The following SDK2 variants were observed in gnomAD, a reference collection of about 807,000 sequenced individuals.
SDK2 encodes sidekick cell adhesion molecule 2.
Under a neutral mutation model 253.9 loss-of-function variants are expected in SDK2, and 105 were observed. The observed-to-expected ratio is 0.41, with a 90% CI of 0.35 to 0.49. The LOEUF (loss-of-function observed/expected upper bound fraction) is 0.49. SDK2 is among the 20% of genes least tolerant of loss of function. The pLI is 0.06. For synonymous variants in SDK2, 1,249 were observed against 1,234.9 expected (o/e 1.01, Z -0.24); for missense variants, 2,608 against 3,003.0 (o/e 0.87, Z 3.07).
Position 73,642,319 on chromosome 17 carries a change from C to T in SDK2, c.64+1706G>A, listed in dbSNP as rs1317148142. Among the ~76,000 whole-genome samples the T allele has an allele frequency of 6.6e-6, 1 of 152,200 alleles. No homozygotes were observed. Among genetic ancestry groups the T allele is most frequent in the African/African-American group, 2.4e-5 (1 of 41,450 alleles). ...AGCCACCTGCCCAGGGAAATCATAC[C>T]ATTGTTGAAAAGTCTGTAGAGCAAT... On this transcript the variant is annotated intron_variant, in intron 1 of 44. Coordinates refer to ENST00000392650, the MANE Select transcript of SDK2 (RefSeq NM_001144952.2). This position sits in a 1 kb window ranked among gnomAD's most constrained non-coding sequence, Gnocchi z 4.7.
chr17:73,604,536 C>T (rs972483516), intron 1 of SDK2, among the ~76,000 whole-genome samples: 1 of 152,244 alleles, frequency 6.6e-6, no homozygotes, highest in African/African-American at 2.4e-5. Flanking sequence ...TCCACTGCCA[C>T]CTCCTGTTCC....
Position 73,612,208 on chromosome 17 carries a change from C to T in SDK2, c.64+31817G>A, listed in dbSNP as rs2045983411. On this transcript the variant is annotated intron_variant, in intron 1 of 44. Coordinates refer to ENST00000392650, the MANE Select transcript of SDK2 (RefSeq NM_001144952.2). This position sits in a 1 kb window ranked among gnomAD's most constrained non-coding sequence, Gnocchi z 4.4. ...AAATGCAAGTACACCACAGTGGTGG[C>T]CCAGCTGCACCCGGGCTGCAGGCCG... Among the ~76,000 whole-genome samples, 1 of 152,202 alleles carries T rather than the reference C, an allele frequency of 6.6e-6. No homozygotes were observed. The highest frequency in any genetic ancestry group is 1.5e-5 in the Non-Finnish European group (1 of 68,034).
intron 25 of SDK2, 130 bp from the exon 26 acceptor site, chr17:73,394,454 C>T (rs1451748765): frequency 2.0e-6 from 1 of 494,986 alleles, no homozygotes; most frequent in Non-Finnish European, 3.5e-6. Flanking sequence ...AAACGTGGCA[C>T]ACATGGTCCC....
chr17:73,425,301 A>AGAAAGG (rs2063271983), intron 12 of SDK2, among the ~76,000 whole-genome samples: 1 of 152,248 alleles, frequency 6.6e-6, no homozygotes, highest in African/African-American at 2.4e-5. Flanking sequence ...AAATAAAAAA[A>AGAAAGG]GAAAGGAAAA....
At chr17:73,433,581 G>A (rs898606989) in intron 10 of SDK2, 151 bp downstream of exon 10, 46 of 590,714 alleles carry the variant, frequency 7.8e-5, no homozygotes, top group Non-Finnish European at 9.6e-5. Context: ...GAGCCACCGC[G>A]CCCGGCCGAG....
At chr17:73,452,221 T>C (rs1190918941) in intron 4 of SDK2, among the ~76,000 whole-genome samples, 1 of 152,184 alleles carries the variant, frequency 6.6e-6, no homozygotes. Context: ...TAATCTCTGC[T>C]CTTGCCCCAC....
chr17:73,617,639 CA>C (rs1345175047), intron 1 of SDK2, among the ~76,000 whole-genome samples: 2 of 152,132 alleles, frequency 1.3e-5, no homozygotes, highest in Non-Finnish European at 2.9e-5. Context: ...AGTGATTTAC[CA>C]ACCCCCTGCC....
intron 1 of SDK2, among the ~76,000 whole-genome samples, chr17:73,635,426 C>G (rs2046318285): frequency 6.6e-6 from 1 of 152,044 alleles, no homozygotes; most frequent in African/African-American, 2.4e-5. Flanking sequence ...TGGTGACAGC[C>G]CAATTGTTCA....
chr17:73,558,437 G>A (rs1599677535), intron 1 of SDK2, among the ~76,000 whole-genome samples: 1 of 150,054 alleles, frequency 6.7e-6, no homozygotes, highest in South Asian at 2.1e-4. Context: ...AGGGAGGAAG[G>A]GAGGGAGGGG....
At chr17:73,466,916 G>A (rs2063604171) in intron 3 of SDK2, among the ~76,000 whole-genome samples, 1 of 152,166 alleles carries the variant, frequency 6.6e-6, no homozygotes, top group African/African-American at 2.4e-5. Flanking sequence ...AAAGTCCCAA[G>A]CTAGTCAGTG....
chr17:73,379,239 G>A lies in SDK2; in HGVS notation c.4918C>T (p.Leu1640=), dbSNP rs1277590017. ...GGAGGTGGCTCCCAAGTCACGTCCAGCTGTGTGGCCGTGGCGCCGTGGACG... is the reference window on the plus strand; with the variant it reads ...GGAGGTGGCTCCCAAGTCACGTCCAACTGTGTGGCCGTGGCGCCGTGGACG... ...VVVHGATATQ[L]DVTWEPPPLD... is the part of the protein sequence containing the mutation. The change falls in exon 36 of 45, where the codon CTG becomes TTG. Residue 1640 remains leucine, a synonymous_variant. Transcript: ENST00000392650. The surrounding 1 kb of genome is among the most constrained non-coding windows in gnomAD (Gnocchi z 4.5). The A allele has an allele frequency of 6.4e-7, 1 of 1,558,410 alleles. No homozygotes were observed. Among genetic ancestry groups the A allele is most frequent in the Middle Eastern group, 1.7e-4 (1 of 6,008 alleles).
intron 1 of SDK2, among the ~76,000 whole-genome samples, chr17:73,588,197 ACC>A (rs57740393): frequency 0.17 from 22,405 of 130,888 alleles, 1,920 homozygotes; most frequent in South Asian, 0.21. Context: ...ACATGGAGAG[ACC>A]CCCCCCCCTC....
intron 24 of SDK2, among the ~76,000 whole-genome samples, chr17:73,396,574 C>T (rs937521063): frequency 1.3e-5 from 2 of 152,208 alleles, no homozygotes; most frequent in African/African-American, 4.8e-5. Context: ...AGATAGCAAT[C>T]GATGGTCCTG....
rs1424266874 is a variant in SDK2, at chr17:73,465,449, G to T, written c.331+6663C>A. 1.3e-5 allele frequency among the ~76,000 whole-genome samples: 2 copies of T among 152,104 alleles called. No individual in the cohort carries two copies. Among genetic ancestry groups the T allele is most frequent in the African/African-American group, 4.8e-5 (2 of 41,422 alleles). ...CCTCAGGACCTGGATGTGGTGAAAC[G>T]CTGGCTGTGGTGAAACGCTGGCTCG... On this transcript the variant is annotated intron_variant, in intron 3 of 44. Transcript: ENST00000392650. The surrounding 1 kb of genome is among the most constrained non-coding windows in gnomAD (Gnocchi z 4.2).
chr17:73,441,185 C>G lies in SDK2; in HGVS notation c.614-262G>C, dbSNP rs185122902. Among the ~76,000 whole-genome samples, 5 of 151,314 alleles carry G rather than the reference C, an allele frequency of 3.3e-5. No individual in the cohort carries two copies. The East Asian group carries it at 9.8e-4, about 30-fold the overall frequency. ...GGCCTTCCCCACCCCTCCTGTAAAG[C>G]AGCCACACCCCCCTCTCCCCACCAC... On this transcript the variant is annotated intron_variant, in intron 5 of 44. Coordinates refer to ENST00000392650, the MANE Select transcript of SDK2 (RefSeq NM_001144952.2).
chr17:73,390,844 C>A (rs1198229304), intron 28 of SDK2, among the ~76,000 whole-genome samples: 4 of 152,242 alleles, frequency 2.6e-5, no homozygotes, highest in Admixed American at 6.5e-5. Context: ...TTCCTGCCCC[C>A]ACTCTGTCTT....
chr17:73,637,655 A>C (rs1194437619), intron 1 of SDK2, among the ~76,000 whole-genome samples: 1 of 152,232 alleles, frequency 6.6e-6, no homozygotes, highest in Non-Finnish European at 1.5e-5. Context: ...GATTACAGGC[A>C]TGAGCCACCG....
At chr17:73,353,622 C>T (rs1664506021) in intron 40 of SDK2, among the ~76,000 whole-genome samples, 1 of 151,748 alleles carries the variant, frequency 6.6e-6, no homozygotes, top group African/African-American at 2.4e-5. Context: ...TGGTCTCGAA[C>T]TCTCGACCTC....
intron 1 of SDK2, among the ~76,000 whole-genome samples, chr17:73,565,538 A>G (rs908917052): frequency 6.6e-6 from 1 of 152,254 alleles, no homozygotes; most frequent in Admixed American, 6.5e-5. Context: ...AACTATCCTC[A>G]AGGACATAAA....
Sources: allele counts gnomAD v4.1 joint callset (sites outside exome capture counted in the v4.1 genomes callset), GRCh38; gene constraint gnomAD v4.1.1; non-coding constraint Gnocchi (gnomAD v3.1); transcripts MANE v1.5; gene names NCBI Gene and HGNC (gene_info 2026-07-23, HGNC 2026-07-21).